The following MED23 variants were observed in gnomAD, a reference collection of about 807,000 sequenced individuals.
MED23 encodes mediator of RNA polymerase II transcription subunit 23.
In MED23, 105 loss-of-function variants were observed where a neutral mutation model predicts 163.9. The observed-to-expected ratio is 0.64, with a 90% confidence interval of 0.55 to 0.75. The LOEUF is 0.75. MED23 is among the 30% of genes least tolerant of loss of function. The pLI is 0.00. For missense variants in MED23, 1,054 were observed against 1,649.0 expected (o/e 0.64, Z 6.25); for synonymous variants, 561 against 565.6 (o/e 0.99, Z 0.12).
intron 21 of MED23, 55 bp from the exon 22 acceptor site, chr6:131,596,218 A>G (rs1275089637): frequency 1.9e-5 from 28 of 1,451,520 alleles, no homozygotes; most frequent in Admixed American, 5.1e-5. Flanking sequence ...AAATTCTCTT[A>G]AAAGAGCTAA....
intron 10 of MED23, among the ~76,000 whole-genome samples, chr6:131,614,543 C>T (rs1776522597): frequency 6.6e-6 from 1 of 152,122 alleles, no homozygotes; most frequent in Non-Finnish European, 1.5e-5. Flanking sequence ...CTGGAACAGA[C>T]TTGGGACTGT....
downstream of MED23, chr6:131,582,585 A>C (rs760349584): frequency 1.3e-6 from 2 of 1,529,236 alleles, no homozygotes. Flanking sequence ...GTTCAAGAGA[A>C]TCATACATAA....
intron 20 of MED23, among the ~76,000 whole-genome samples, chr6:131,597,475 C>CAAAAAAAAAAAAAAAAAAAAAAAAAAAA (rs59083644): frequency 1.9e-5 from 1 of 53,754 alleles, no homozygotes; most frequent in Non-Finnish European, 3.8e-5. Flanking sequence ...GACTCCATAT[C>CAAAAAAAAAAAAAAAAAAAAAAAAAAAA]AAAAAAAAAA....
chr6:131,583,275 TA>T, downstream of MED23: 1 of 1,609,080 alleles, frequency 6.2e-7, no homozygotes, highest in Non-Finnish European at 8.5e-7. Context: ...CTACTTTTTA[TA>T]AAACAAGTTA....
chr6:131,620,505 A>G, intron 7 of MED23, 123 bp downstream of exon 7: 1 of 707,734 alleles, frequency 1.4e-6, no homozygotes, highest in South Asian at 1.6e-5. Context: ...TTGTTATGTT[A>G]CCCAGGTTGG....
intron 3 of MED23, among the ~76,000 whole-genome samples, chr6:131,625,607 C>T (rs544116477): frequency 3.3e-5 from 5 of 152,194 alleles, no homozygotes; most frequent in Non-Finnish European, 7.3e-5. Flanking sequence ...TATTGTGGCA[C>T]ATATAACAAT....
intron 6 of MED23, among the ~76,000 whole-genome samples, chr6:131,621,133 T>G (rs547300088): frequency 1.3e-5 from 2 of 152,118 alleles, no homozygotes; most frequent in South Asian, 4.1e-4. Flanking sequence ...ACAATGACAA[T>G]GACAACAAAA....
chr6:131,577,197 C>T (rs569903275), intron 30 of MED23, among the ~76,000 whole-genome samples: 8 of 152,106 alleles, frequency 5.3e-5, no homozygotes, highest in South Asian at 2.1e-4. Context: ...TGCAAATTTA[C>T]GTATATTTTT....
intron 23 of MED23, among the ~76,000 whole-genome samples, chr6:131,593,506 G>T (rs1168461348): frequency 6.6e-6 from 1 of 151,986 alleles, no homozygotes; most frequent in East Asian, 1.9e-4. Flanking sequence ...TCATTCTTTT[G>T]CTTCAGAAAA....
chr6:131,584,780 C>T (rs1387752828), downstream of MED23, among the ~76,000 whole-genome samples: 1 of 149,592 alleles, frequency 6.7e-6, no homozygotes, highest in Non-Finnish European at 1.5e-5. Context: ...TTGTGACCAG[C>T]CTGGCAACAT....
intron 30 of MED23, chr6:131,574,305 A>T: frequency 1.2e-6 from 2 of 1,613,954 alleles, no homozygotes; most frequent in South Asian, 1.1e-5. Flanking sequence ...ACTGCAAAAC[A>T]AATTGAGAGA....
intron 14 of MED23, 80 bp from the exon 15 acceptor site, chr6:131,604,400 T>C (rs1775705693): frequency 7.0e-7 from 1 of 1,422,706 alleles, no homozygotes; most frequent in Non-Finnish European, 9.7e-7. Context: ...AGAAGTAACT[T>C]AGTATAAATC....
chr6:131,597,507 A>G (rs187720737), intron 20 of MED23, among the ~76,000 whole-genome samples: 1 of 151,240 alleles, frequency 6.6e-6, no homozygotes, highest in African/African-American at 2.4e-5. Context: ...AGAAAAAAAA[A>G]ATTCTGCTGG....
Position 131,598,223 on chromosome 6 carries a change from A to G in MED23, c.2607+64T>C, listed in dbSNP as rs765897839. ...TCAAAGCAATATAGAGCAGATTGGCATAACATATATTAGTCATACATCTTG... is the reference window on the plus strand; with the variant it reads ...TCAAAGCAATATAGAGCAGATTGGCGTAACATATATTAGTCATACATCTTG... On this transcript the variant is annotated intron_variant, in intron 20 of 28. Transcript: ENST00000368068. The surrounding 1 kb of genome is among the most constrained non-coding windows in gnomAD (Gnocchi z 4.7). The G allele has an allele frequency of 8.5e-5, 124 of 1,456,798 alleles. No individual in the cohort carries two copies. In the Admixed American group the frequency reaches 1.5e-3, roughly 18 times the overall value. 90.2% of individuals were successfully genotyped at this position (1,456,798 alleles called of 1,614,324 possible).
rs1226565658 is a variant in MED23 at position 131,586,856 on chromosome 6, T to A, written c.*823A>T. Reference sequence around the variant, plus strand: ...AAAATCCAAGAAATAAAATGTGTACTGTATTTACAAATATAAAATTTAAAA... The same window carrying A: ...AAAATCCAAGAAATAAAATGTGTACAGTATTTACAAATATAAAATTTAAAA... On this transcript the variant is annotated 3_prime_UTR_variant, in exon 29 of 29. Coordinates refer to ENST00000368068, the MANE Select transcript of MED23 (RefSeq NM_004830.4). The A allele has an allele frequency of 2.0e-6, 3 of 1,474,914 alleles. No individual in the cohort carries two copies. Among genetic ancestry groups the A allele is most frequent in the Admixed American group, 2.0e-5 (1 of 48,798 alleles). 91.4% of individuals were successfully genotyped at this position (1,474,914 alleles called of 1,614,324 possible). A position where few individuals can be genotyped will look rare whatever the true frequency, so the allele number is the denominator to read the frequency against.
chr6:131,579,850 G>A (rs1257131193), intron 30 of MED23, among the ~76,000 whole-genome samples: 1 of 151,322 alleles, frequency 6.6e-6, no homozygotes, highest in Non-Finnish European at 1.5e-5. Context: ...GTGTGTATGT[G>A]TGTGTGTGAG....
At chr6:131,606,670 G>T in intron 12 of MED23, 46 bp from the exon 13 acceptor site, 1 of 1,457,622 alleles carries the variant, frequency 6.9e-7, no homozygotes, top group Non-Finnish European at 9.5e-7. Flanking sequence ...AGAAAGAGAA[G>T]AATTAAATAA....
chr6:131,599,911 TA>T (rs1775342533), intron 18 of MED23, 126 bp downstream of exon 18: 1 of 1,195,902 alleles, frequency 8.4e-7, no homozygotes, highest in East Asian at 2.6e-5. Context: ...GCCCAGCCCC[TA>T]AATATTTTTT....
intron 3 of MED23, among the ~76,000 whole-genome samples, chr6:131,625,653 A>T (rs1308840410): frequency 1.3e-5 from 2 of 152,184 alleles, no homozygotes; most frequent in Non-Finnish European, 2.9e-5. Flanking sequence ...TGGTCTCTCC[A>T]TTAGAGGGCC....
Sources: gnomAD v4.1 joint callset for allele counts (sites outside exome capture counted in the v4.1 genomes callset) on GRCh38, gnomAD v4.1.1 for gene constraint, Gnocchi (gnomAD v3.1) non-coding constraint, MANE v1.5 for transcripts, NCBI Gene and HGNC (gene_info 2026-07-23, HGNC 2026-07-21) for gene names.